WDR70: variants seen among roughly 807,000 people sequenced by gnomAD.
The protein encoded by WDR70 is WD repeat domain 70, also known as WD repeat-containing protein 70.
A neutral mutation model predicts 88.6 loss-of-function variants in WDR70; 53 were observed. The ratio of observed to expected loss-of-function variants is 0.60; its 90% CI spans 0.48 to 0.75. WDR70 has a LOEUF of 0.75. Among genes scored for constraint, WDR70 ranks in the 30% least tolerant of loss-of-function variants. The pLI is 0.00. For synonymous variants in WDR70, 280 were observed against 270.0 expected, an observed-to-expected ratio of 1.04 and a Z score of -0.36; for missense variants, 610 against 823.2, an observed-to-expected ratio of 0.74 and a Z score of 3.17.
chr5:37,742,639 C>T (rs1295688468), intron 17 of WDR70, among the ~76,000 whole-genome samples: 1 of 152,066 alleles, frequency 6.6e-6, no homozygotes, highest in Non-Finnish European at 1.5e-5. Context: ...GGAATCATAT[C>T]CAAGAAATCA....
intron 10 of WDR70, among the ~76,000 whole-genome samples, chr5:37,607,902 T>A (rs1051354261): frequency 2.0e-5 from 3 of 152,042 alleles, no homozygotes; most frequent in Non-Finnish European, 2.9e-5. Flanking sequence ...CCAGCATAAT[T>A]TGAGCAACAG....
Position 37,685,702 on chromosome 5 carries a change from C to T in WDR70, c.1093-11953C>T, listed in dbSNP as rs746526738. ...CCACACCAAACTCTATTGGCTGGCACGCTGCCCCTACTACTTTTCTGAGCA... is the reference window on the plus strand; with the variant it reads ...CCACACCAAACTCTATTGGCTGGCATGCTGCCCCTACTACTTTTCTGAGCA... On this transcript the variant is annotated intron_variant, in intron 10 of 17. Coordinates refer to ENST00000265107, the MANE Select transcript of WDR70 (RefSeq NM_018034.4). 5.3e-5 allele frequency among the ~76,000 whole-genome samples: 8 copies of T among 152,152 alleles called. No individual in the cohort carries two copies. The East Asian group carries it at 7.7e-4, about 15-fold the overall frequency.
chr5:37,400,059 A>T (rs1749146672), intron 5 of WDR70, among the ~76,000 whole-genome samples: 1 of 151,992 alleles, frequency 6.6e-6, no homozygotes, highest in Non-Finnish European at 1.5e-5. Context: ...CAGCTTCCTG[A>T]GTAGCTGGGA....
intron 9 of WDR70, among the ~76,000 whole-genome samples, chr5:37,579,078 A>G (rs1256629663): frequency 1.3e-5 from 2 of 152,220 alleles, no homozygotes; most frequent in African/African-American, 2.4e-5. Context: ...CGAATGAATC[A>G]AGGCATGTAA....
At chr5:37,494,080 A>G (rs1452696253) in intron 8 of WDR70, among the ~76,000 whole-genome samples, 1 of 152,112 alleles carries the variant, frequency 6.6e-6, no homozygotes, top group African/African-American at 2.4e-5. Flanking sequence ...TGGCCTCCCA[A>G]AGTGCTGGGA....
intron 10 of WDR70, among the ~76,000 whole-genome samples, chr5:37,638,070 A>G (rs1745019219): frequency 6.6e-6 from 1 of 152,122 alleles, no homozygotes. Context: ...CTGTATTCTC[A>G]TATATTTTCT....
At chr5:37,576,727 A>C (rs1743065441) in intron 9 of WDR70, among the ~76,000 whole-genome samples, 1 of 151,400 alleles carries the variant, frequency 6.6e-6, no homozygotes, top group Admixed American at 6.6e-5. Context: ...TCATTTTAGG[A>C]AGGTCCTTAG....
intron 8 of WDR70, among the ~76,000 whole-genome samples, chr5:37,496,962 A>G (rs1740236310): frequency 6.6e-6 from 1 of 152,192 alleles, no homozygotes; most frequent in Non-Finnish European, 1.5e-5. Flanking sequence ...ATTGGGGAAG[A>G]CAAGGTAGTT....
intron 10 of WDR70, among the ~76,000 whole-genome samples, chr5:37,679,831 C>T (rs1003038230): frequency 5.3e-5 from 8 of 152,224 alleles, no homozygotes; most frequent in Admixed American, 3.9e-4. Flanking sequence ...TGCCCTGCCC[C>T]CAGAGGTGGA....
chr5:37,627,183 A>G (rs1337447226), intron 10 of WDR70, among the ~76,000 whole-genome samples: 1 of 151,818 alleles, frequency 6.6e-6, no homozygotes, highest in Non-Finnish European at 1.5e-5. Flanking sequence ...CAGCTTCCTG[A>G]GCTCAGGTGA....
chr5:37,444,488 G>C (rs539078190), intron 7 of WDR70, among the ~76,000 whole-genome samples: 62 of 151,770 alleles, frequency 4.1e-4, no homozygotes, highest in Non-Finnish European at 7.7e-4. Flanking sequence ...ATATGGGTGT[G>C]CACCACCATG....
At chr5:37,620,928 G>T (rs1289112382) in intron 10 of WDR70, among the ~76,000 whole-genome samples, 1 of 152,114 alleles carries the variant, frequency 6.6e-6, no homozygotes, top group Non-Finnish European at 1.5e-5. Flanking sequence ...GAATGGTGAT[G>T]GAGAGGAAGA....
chr5:37,468,570 T>C (rs540883914), intron 7 of WDR70, among the ~76,000 whole-genome samples: 1 of 152,266 alleles, frequency 6.6e-6, no homozygotes, highest in African/African-American at 2.4e-5. Context: ...CAAATCAGGA[T>C]AATTTGCATA....
Position 37,408,344 on chromosome 5 carries a change from C to T in WDR70, c.492+11774C>T, listed in dbSNP as rs138582942. Among the ~76,000 whole-genome samples the T allele has an allele frequency of 5.3e-4, 80 of 152,150 alleles. 1 individual carries two copies. The highest frequency in any genetic ancestry group is 4.1e-3 in the Admixed American group (63 of 15,282). Reference sequence around the variant, plus strand: ...AAAAAATTAGCCAGGTGTCATGGCACACGCCTGTAATCCCAGCTACTCAGG... The same window carrying T: ...AAAAAATTAGCCAGGTGTCATGGCATACGCCTGTAATCCCAGCTACTCAGG... On this transcript the variant is annotated intron_variant, in intron 5 of 17. Coordinates refer to ENST00000265107, the MANE Select transcript of WDR70 (RefSeq NM_018034.4).
At chr5:37,407,910 C>G (rs907810855) in intron 5 of WDR70, among the ~76,000 whole-genome samples, 1 of 152,026 alleles carries the variant, frequency 6.6e-6, no homozygotes, top group Non-Finnish European at 1.5e-5. Flanking sequence ...AGTGTGGAGC[C>G]TGTTTTAAGT....
chr5:37,530,318 C>T (rs1030457178), intron 9 of WDR70, among the ~76,000 whole-genome samples: 1 of 152,104 alleles, frequency 6.6e-6, no homozygotes, highest in African/African-American at 2.4e-5. Context: ...ATACCTGCTT[C>T]ATAGAGTGAT....
At chr5:37,730,525 A>G (rs1481582084) in intron 17 of WDR70, among the ~76,000 whole-genome samples, 1 of 152,044 alleles carries the variant, frequency 6.6e-6, no homozygotes, top group Non-Finnish European at 1.5e-5. Context: ...CTTGGAGCTC[A>G]CTGTCATTGA....
rs1241175400 is a variant in WDR70 at position 37,701,135 on chromosome 5, T to C, written c.1270T>C (p.Phe424Leu). Residue 424 changes from phenylalanine (F) to leucine (L), a missense_variant, in exon 12 of 18, where the codon TTC becomes CTC. Phe to Leu is a conservative substitution (Grantham distance 22). Transcript: ENST00000265107. The stretch of plus-strand genomic sequence containing the variant: ...TTCAGCCTCGGGTCTTCCCACCATG[T>C]TCCCAATGTAAGTAGCATATTTTAA... ...LFSASGLPTM[F>L]PMTDCCFSPD... The C allele has an allele frequency of 5.6e-6, 9 of 1,595,314 alleles. No individual in the cohort carries two copies. Among genetic ancestry groups the C allele is most frequent in the Non-Finnish European group, 7.7e-6 (9 of 1,163,230 alleles).
chr5:37,571,117 G>T (rs919129518), intron 9 of WDR70, among the ~76,000 whole-genome samples: 1 of 152,092 alleles, frequency 6.6e-6, no homozygotes, highest in Admixed American at 6.6e-5. Context: ...TTGTGGATTT[G>T]AAAGCTTGAT....
Sources: gnomAD v4.1 joint callset for allele counts (sites outside exome capture counted in the v4.1 genomes callset) on GRCh38, gnomAD v4.1.1 for gene constraint, MANE v1.5 for transcripts, NCBI Gene and HGNC (gene_info 2026-07-23, HGNC 2026-07-21) for gene names.